The following GAB1 variants were observed in gnomAD, a reference collection of about 807,000 sequenced individuals.
GAB1 encodes the protein GRB2-associated-binding protein 1.
GAB1 carries 19 observed loss-of-function variants against 66.5 expected under a neutral mutation model. The ratio of observed to expected loss-of-function variants is 0.29; its 90% CI spans 0.20 to 0.42. The LOEUF (loss-of-function observed/expected upper bound fraction) is 0.42, where lower values mean the gene tolerates loss of function less well. GAB1 is among the 10% of genes least tolerant of loss of function. The probability of loss-of-function intolerance (pLI) is 1.00; values close to 1 mark genes in which losing one functional copy is unlikely to be tolerated. For missense variants in GAB1, 732 were observed against 858.5 expected, an observed-to-expected ratio of 0.85 and a Z score of 1.84; for synonymous variants, 294 against 301.4, an observed-to-expected ratio of 0.98 and a Z score of 0.25.
chr4:143,419,629 G>C (rs1732905439), intron 2 of GAB1, among the ~76,000 whole-genome samples: 1 of 152,102 alleles, frequency 6.6e-6, no homozygotes, highest in African/African-American at 2.4e-5. Context: ...TTCATTAATA[G>C]ATAAAACAAG....
intron 1 of GAB1, among the ~76,000 whole-genome samples, chr4:143,385,846 T>C (rs1298057994): frequency 6.6e-6 from 1 of 152,130 alleles, no homozygotes; most frequent in Non-Finnish European, 1.5e-5. Flanking sequence ...AGTTTGTAAA[T>C]AAAAGTGTAT....
intron 1 of GAB1, among the ~76,000 whole-genome samples, chr4:143,384,055 A>G (rs1730779182): frequency 6.6e-6 from 1 of 152,190 alleles, no homozygotes; most frequent in African/African-American, 2.4e-5. Flanking sequence ...CCTGGGTGAC[A>G]GAGCAAGACC....
intron 1 of GAB1, among the ~76,000 whole-genome samples, chr4:143,402,677 C>T (rs544303332): frequency 1.1e-4 from 16 of 152,252 alleles, no homozygotes; most frequent in African/African-American, 3.9e-4. Context: ...CTTTTCCTTT[C>T]CTGTTCACCT....
intron 2 of GAB1, among the ~76,000 whole-genome samples, chr4:143,431,075 C>G (rs1733624279): frequency 6.6e-6 from 1 of 152,138 alleles, no homozygotes; most frequent in Admixed American, 6.5e-5. Context: ...TTAATTAGAG[C>G]TCTTTTTATA....
intron 6 of GAB1, among the ~76,000 whole-genome samples, chr4:143,446,183 C>T (rs1734515460): frequency 6.6e-6 from 1 of 151,984 alleles, no homozygotes; most frequent in Non-Finnish European, 1.5e-5. Context: ...TTTCTTAATC[C>T]AGTCTATCAT....
chr4:143,469,244 C>T lies in GAB1; in HGVS notation c.*55C>T. On this transcript the variant is annotated 3_prime_UTR_variant, in exon 10 of 10. Transcript: ENST00000262994. ...GAAAACTGAATTGTAAAGATAAATC[C>T]CTTTTGAAGAATGACTTGACACTTC... 1 of 1,563,560 alleles carries T rather than the reference C, an allele frequency of 6.4e-7. No individual in the cohort carries two copies. Among genetic ancestry groups the T allele is most frequent in the Non-Finnish European group, 8.7e-7 (1 of 1,143,526 alleles).
chr4:143,339,777 A>C (rs899606891), intron 1 of GAB1, among the ~76,000 whole-genome samples: 2 of 152,218 alleles, frequency 1.3e-5, no homozygotes, highest in Non-Finnish European at 2.9e-5. Context: ...TCTGAGGAAC[A>C]AGTTCAATGT....
At chr4:143,407,916 T>C (rs980755987) in intron 1 of GAB1, among the ~76,000 whole-genome samples, 10 of 152,334 alleles carry the variant, frequency 6.6e-5, no homozygotes, top group African/African-American at 1.9e-4. Flanking sequence ...GTGCTTATTT[T>C]AGATTTTTAA....
chr4:143,408,587 C>A (rs893913223), intron 1 of GAB1, among the ~76,000 whole-genome samples: 9 of 152,038 alleles, frequency 5.9e-5, no homozygotes, highest in African/African-American at 1.7e-4. Context: ...GTATATATAT[C>A]CATGTCACTT....
chr4:143,364,113 G>A (rs760651955), intron 1 of GAB1, among the ~76,000 whole-genome samples: 16 of 151,638 alleles, frequency 1.1e-4, no homozygotes, highest in Admixed American at 2.6e-4. Context: ...GCTTGAACCC[G>A]GGAATCAGAG....
intron 1 of GAB1, among the ~76,000 whole-genome samples, chr4:143,342,876 T>C (rs1193903153): frequency 1.3e-5 from 2 of 152,110 alleles, no homozygotes; most frequent in Non-Finnish European, 2.9e-5. Flanking sequence ...GGTGATAGAT[T>C]CAAAACATGT....
chr4:143,388,170 G>A (rs1247773707), intron 1 of GAB1, among the ~76,000 whole-genome samples: 2 of 151,954 alleles, frequency 1.3e-5, no homozygotes, highest in Non-Finnish European at 2.9e-5. Flanking sequence ...TAACTCCCAA[G>A]GCACTTACTG....
At chr4:143,355,189 A>G (rs1022190150) in intron 1 of GAB1, among the ~76,000 whole-genome samples, 5 of 152,178 alleles carry the variant, frequency 3.3e-5, no homozygotes, top group African/African-American at 1.2e-4. Context: ...AGGCCTAGGA[A>G]ATACCCTGAG....
At chr4:143,355,806 G>T (rs1485692449) in intron 1 of GAB1, among the ~76,000 whole-genome samples, 3 of 152,092 alleles carry the variant, frequency 2.0e-5, no homozygotes, top group Non-Finnish European at 4.4e-5. Context: ...ATGAGAATGA[G>T]TCACCATGGG....
chr4:143,363,994 T>G (rs1053499378), intron 1 of GAB1, among the ~76,000 whole-genome samples: 15 of 151,966 alleles, frequency 9.9e-5, no homozygotes, highest in Non-Finnish European at 1.9e-4. Flanking sequence ...TAAAGACCAG[T>G]GTGGCCAACA....
At chr4:143,448,330 C>G (rs1417680009) in intron 6 of GAB1, among the ~76,000 whole-genome samples, 1 of 151,890 alleles carries the variant, frequency 6.6e-6, no homozygotes, top group Non-Finnish European at 1.5e-5. Context: ...AGGATTCCCT[C>G]TTTTTCTATT....
chr4:143,453,440 T>C (rs1273715160), intron 6 of GAB1, among the ~76,000 whole-genome samples: 2 of 152,182 alleles, frequency 1.3e-5, no homozygotes, highest in Admixed American at 1.3e-4. Context: ...ATGCATCTGC[T>C]TTTGGCTCAT....
At chr4:143,428,088 C>G (rs1049470686) in intron 2 of GAB1, among the ~76,000 whole-genome samples, 3 of 152,304 alleles carry the variant, frequency 2.0e-5, no homozygotes, top group South Asian at 2.1e-4. Context: ...TTTGAATTCC[C>G]TAGACTGCAT....
At chr4:143,373,857 G>GTAAACAAATAAA (rs1560725896) in intron 1 of GAB1, among the ~76,000 whole-genome samples, 3 of 53,862 alleles carry the variant, frequency 5.6e-5, no homozygotes, top group African/African-American at 3.1e-4. Flanking sequence ...CTCTCTCTCT[G>GTAAACAAATAAA]TAAATAAATA....
Sources: gnomAD v4.1 joint callset for allele counts (sites outside exome capture counted in the v4.1 genomes callset) on GRCh38, gnomAD v4.1.1 for gene constraint, MANE v1.5 for transcripts, NCBI Gene and HGNC (gene_info 2026-07-23, HGNC 2026-07-21) for gene names.